The following DLGAP2 variants were observed in gnomAD, a reference collection of about 807,000 sequenced individuals.
DLGAP2 encodes the protein disks large-associated protein 2.
A neutral mutation model predicts 100.3 loss-of-function variants in DLGAP2; 26 were observed. The ratio of observed to expected loss-of-function variants is 0.26; its 90% confidence interval spans 0.19 to 0.36. The LOEUF is 0.36. Among genes scored for constraint, DLGAP2 ranks in the 10% least tolerant of loss-of-function variants. The pLI is 1.00. For missense variants in DLGAP2, 1,858 were observed against 1,453.2 expected (o/e 1.28, Z -4.53); for synonymous variants, 886 against 630.1 (o/e 1.41, Z -6.08).
At position 799,051 on chromosome 8, in the gene DLGAP2, ACT is replaced by A. The variant is rs1491586302; in HGVS notation, c.18+61229_18+61230del. ...GTATGACACATGTTGGGATTAAGAG[ACT>A]CTGTCGGTCCTGTGCCCTCCCTCAC... is the stretch of plus-strand genomic sequence containing the variant. On this transcript the variant is annotated intron_variant, in intron 1 of 14. Transcript: ENST00000637795. Among the ~76,000 whole-genome samples the A allele has an allele frequency of 4.9e-4, 74 of 152,012 alleles. 1 individual carries two copies. Among genetic ancestry groups the A allele is most frequent in the Non-Finnish European group, 8.8e-5 (6 of 67,998 alleles).
chr8:935,012 C>G (rs1340562618), intron 2 of DLGAP2, among the ~76,000 whole-genome samples: 2 of 152,188 alleles, frequency 1.3e-5, no homozygotes, highest in Non-Finnish European at 2.9e-5. Flanking sequence ...GTGTATTACT[C>G]GGCTTCCGTT....
At chr8:1,055,922 C>A (rs1024863779) in intron 2 of DLGAP2, among the ~76,000 whole-genome samples, 1 of 152,158 alleles carries the variant, frequency 6.6e-6, no homozygotes, top group Non-Finnish European at 1.5e-5. Flanking sequence ...AATAATAATA[C>A]CTGGCCAGCT....
rs747838557 is a variant in DLGAP2, at chr8:1,678,412, T to C, written c.2487T>C (p.Tyr829=). ...RTVRTQGLFS[Y]REDYRTQVDT... is the part of the protein sequence containing the mutation. ...TACGGACCCAGGGGCTCTTCAGCTATAGAGAAGACTATCGGACCCAAGTGG... is the reference window on the plus strand; with the variant it reads ...TACGGACCCAGGGGCTCTTCAGCTACAGAGAAGACTATCGGACCCAAGTGG... Residue 829 remains tyrosine, a synonymous_variant, in exon 12 of 15, where the codon TAT becomes TAC. Transcript: ENST00000637795. 9 of 1,613,782 alleles carry C rather than the reference T, an allele frequency of 5.6e-6. 1 individual carries two copies. The highest frequency in any genetic ancestry group is 1.7e-4 in the Middle Eastern group (1 of 6,060).
chr8:806,284 G>A (rs1022189807), intron 1 of DLGAP2, among the ~76,000 whole-genome samples: 5 of 152,190 alleles, frequency 3.3e-5, no homozygotes, highest in African/African-American at 1.2e-4. Context: ...TTGTCATGGC[G>A]CTGGGTCTCA....
intron 2 of DLGAP2, among the ~76,000 whole-genome samples, chr8:913,169 A>G (rs983914512): frequency 7.9e-5 from 12 of 152,220 alleles, no homozygotes; most frequent in Non-Finnish European, 1.6e-4. Flanking sequence ...TGGCAGACCT[A>G]ATTATACTTT....
chr8:1,669,599 GA>G (rs1798637465), intron 9 of DLGAP2, 143 bp from the exon 10 acceptor site: 1 of 681,872 alleles, frequency 1.5e-6, no homozygotes, highest in Non-Finnish European at 2.7e-6. Context: ...GCGGCCCAGG[GA>G]GGAGGGTGAG....
At chr8:787,101 A>G (rs1414121339) in intron 1 of DLGAP2, among the ~76,000 whole-genome samples, 1 of 152,180 alleles carries the variant, frequency 6.6e-6, no homozygotes, top group East Asian at 1.9e-4. Flanking sequence ...TAAACTGACG[A>G]TGCTTTATTC....
chr8:767,407 A>G (rs1033239612), intron 1 of DLGAP2, among the ~76,000 whole-genome samples: 8 of 148,620 alleles, frequency 5.4e-5, no homozygotes, highest in East Asian at 2.0e-4. Context: ...CTGGAGTGCA[A>G]TGGTGCCATC....
At chr8:1,298,627 A>C (rs1179606197) in intron 3 of DLGAP2, among the ~76,000 whole-genome samples, 1 of 152,108 alleles carries the variant, frequency 6.6e-6, no homozygotes, top group Non-Finnish European at 1.5e-5. Context: ...GAAGCATGGC[A>C]GGCGCTGAGC....
chr8:1,207,305 C>T (rs1426054791), intron 2 of DLGAP2, among the ~76,000 whole-genome samples: 1 of 152,210 alleles, frequency 6.6e-6, no homozygotes, highest in East Asian at 1.9e-4. Context: ...GCTTAGCTCC[C>T]ACTTGTAAGT....
chr8:1,066,888 C>T (rs1157757459), intron 2 of DLGAP2, among the ~76,000 whole-genome samples: 1 of 152,226 alleles, frequency 6.6e-6, no homozygotes, highest in African/African-American at 2.4e-5. Flanking sequence ...CTTCTTAAGT[C>T]ACCGTCAGAG....
At chr8:1,297,383 T>G (rs1400360609) in intron 3 of DLGAP2, among the ~76,000 whole-genome samples, 1 of 152,200 alleles carries the variant, frequency 6.6e-6, no homozygotes, top group Non-Finnish European at 1.5e-5. Context: ...AGTGAGAGCT[T>G]TAAATCATGT....
At chr8:1,607,093 C>T (rs1378792125) in intron 6 of DLGAP2, among the ~76,000 whole-genome samples, 1 of 152,160 alleles carries the variant, frequency 6.6e-6, no homozygotes, top group Non-Finnish European at 1.5e-5. Flanking sequence ...TTGAGGAACT[C>T]CCAGACTGTT....
intron 3 of DLGAP2, among the ~76,000 whole-genome samples, chr8:1,266,416 C>T (rs1215603760): frequency 6.6e-6 from 1 of 152,204 alleles, no homozygotes; most frequent in Admixed American, 6.5e-5. Flanking sequence ...GCTGTCCCTT[C>T]CCGGGGTCCT....
rs558346464 is a variant in DLGAP2 at position 1,668,784 on chromosome 8, G to A, written c.2160+106G>A. ...CGGCCCTGGGTCCTTAGCACTGACT[G>A]TAACCCCAGCAGGGCTGTGGAATCT... On this transcript the variant is annotated intron_variant, in intron 9 of 14. Coordinates refer to ENST00000637795, the MANE Select transcript of DLGAP2 (RefSeq NM_001346810.2). The A allele has an allele frequency of 3.1e-5, 33 of 1,052,344 alleles. No individual in the cohort carries two copies. The East Asian group carries it at 6.9e-4, about 22-fold the overall frequency. 65.2% of individuals were successfully genotyped at this position (1,052,344 alleles called of 1,614,324 possible).
chr8:1,006,882 C>G (rs1037528720), intron 2 of DLGAP2, among the ~76,000 whole-genome samples: 1 of 130,132 alleles, frequency 7.7e-6, no homozygotes, highest in African/African-American at 3.0e-5. Context: ...TGTCTGAAGT[C>G]TCGGGATGTG....
At chr8:1,476,599 C>T (rs1475926284) in intron 3 of DLGAP2, among the ~76,000 whole-genome samples, 1 of 152,214 alleles carries the variant, frequency 6.6e-6, no homozygotes, top group African/African-American at 2.4e-5. Flanking sequence ...CCATCGGTGA[C>T]ATTCCTCAGA....
intron 3 of DLGAP2, among the ~76,000 whole-genome samples, chr8:1,468,837 TGTG>T (rs886479031): frequency 6.6e-6 from 1 of 152,254 alleles, no homozygotes; most frequent in African/African-American, 2.4e-5. Flanking sequence ...GCCAGCAGCT[TGTG>T]GTGACCGTCA....
At chr8:755,811 G>A (rs564324459) in intron 1 of DLGAP2, among the ~76,000 whole-genome samples, 4 of 152,234 alleles carry the variant, frequency 2.6e-5, no homozygotes, top group Non-Finnish European at 5.9e-5. Context: ...CAAAGTGCTG[G>A]GTGTTGGCTG....
Sources: allele counts gnomAD v4.1 joint callset (sites outside exome capture counted in the v4.1 genomes callset), GRCh38; gene constraint gnomAD v4.1.1; transcripts MANE v1.5; gene names NCBI Gene and HGNC (gene_info 2026-07-23, HGNC 2026-07-21).